The following PRDM16 variants were observed in gnomAD, a reference collection of about 807,000 sequenced individuals.
The protein encoded by PRDM16 is PR/SET domain 16, also known as histone-lysine N-methyltransferase PRDM16.
PRDM16 carries 23 observed loss-of-function variants against 110.6 expected under a neutral mutation model. The observed-to-expected ratio is 0.21, with a 90% CI of 0.15 to 0.29. PRDM16 has a LOEUF of 0.29. Ranked by LOEUF, PRDM16 falls within the 10% of genes least tolerant of loss-of-function variation. PRDM16 has a pLI of 1.00. For missense variants in PRDM16, 1,615 were observed against 1,794.3 expected (o/e 0.90, Z 1.81); for synonymous variants, 799 against 781.8 (o/e 1.02, Z -0.37).
chr1:3,306,738 C>A lies in PRDM16; in HGVS notation c.438+62601C>A, dbSNP rs534788029. On this transcript the variant is annotated intron_variant, in intron 3 of 16. Transcript: ENST00000270722. ...AAACGTACAATTCAGTGGTTTTCAG[C>A]CACAGACTTGTGCAACCATCACAAT... 3.3e-5 allele frequency: 5 copies of A among 152,330 alleles called. No homozygotes were observed. In the South Asian group the frequency reaches 1.0e-3, roughly 32 times the overall value. 9.4% of individuals were successfully genotyped at this position (152,330 alleles called of 1,614,324 possible). A position where few individuals can be genotyped will look rare whatever the true frequency, so the allele number is the denominator to read the frequency against.
rs568212656 is a variant in PRDM16 at position 3,275,825 on chromosome 1, G to A, written c.438+31688G>A. Among the ~76,000 whole-genome samples, 81 of 152,314 alleles carry A rather than the reference G, an allele frequency of 5.3e-4. 1 individual carries two copies. The highest frequency in any genetic ancestry group is 1.0e-3 in the Non-Finnish European group (69 of 68,028). On this transcript the variant is annotated intron_variant, in intron 3 of 16. Coordinates refer to ENST00000270722, the MANE Select transcript of PRDM16 (RefSeq NM_022114.4). The stretch of plus-strand genomic sequence containing the variant: ...CTGGGGAGAGCCGTGCACATCCAGC[G>A]TGGAAGTGGGTGGCACCCAGCCAGG...
At chr1:3,297,723 C>T (rs1385491195) in intron 3 of PRDM16, among the ~76,000 whole-genome samples, 1 of 152,176 alleles carries the variant, frequency 6.6e-6, no homozygotes, top group African/African-American at 2.4e-5. Flanking sequence ...CTGCCCACAA[C>T]ACCACAGTCT....
chr1:3,125,324 C>T (rs1428007937), intron 1 of PRDM16, among the ~76,000 whole-genome samples: 1 of 152,232 alleles, frequency 6.6e-6, no homozygotes, highest in Non-Finnish European at 1.5e-5. Flanking sequence ...GAGGCCAGCC[C>T]AGTGCCCGCT....
At chr1:3,198,467 G>A (rs141017724) in intron 2 of PRDM16, among the ~76,000 whole-genome samples, 201 of 152,366 alleles carry the variant, frequency 1.3e-3, no homozygotes, top group African/African-American at 4.6e-3. Context: ...TGCTGTGCAG[G>A]GGAGCGTGGT....
At position 3,222,057 on chromosome 1, in the gene PRDM16, C is replaced by T. The variant is rs372449906; in HGVS notation, c.388-22030C>T. 2.5e-4 allele frequency among the ~76,000 whole-genome samples: 38 copies of T among 152,358 alleles called. No individual in the cohort carries two copies. The East Asian group carries it at 5.2e-3, about 21-fold the overall frequency. On this transcript the variant is annotated intron_variant, in intron 2 of 16. Coordinates refer to ENST00000270722, the MANE Select transcript of PRDM16 (RefSeq NM_022114.4). ...CTCCCCAGCAGAGGTCTGCAGGCCC[C>T]GTGCTGGCAGGAAGTGAGGTGAGGG...
chr1:3,164,306 A>G (rs1236962261), intron 1 of PRDM16, among the ~76,000 whole-genome samples: 2 of 152,232 alleles, frequency 1.3e-5, no homozygotes, highest in Admixed American at 1.3e-4. Flanking sequence ...TGAGAAGGCA[A>G]AGTTTTTAAA....
At chr1:3,117,421 G>A (rs115808243) in intron 1 of PRDM16, among the ~76,000 whole-genome samples, 1,769 of 152,264 alleles carry the variant, frequency 0.012, 13 homozygotes, top group Non-Finnish European at 0.019. Flanking sequence ...GGGTGAGAAC[G>A]CAGGGGGAAG....
At chr1:3,423,624 G>T (rs527715858) in intron 12 of PRDM16, among the ~76,000 whole-genome samples, 1 of 152,212 alleles carries the variant, frequency 6.6e-6, no homozygotes, top group Non-Finnish European at 1.5e-5. Flanking sequence ...CACCGGCACC[G>T]GTCGGGGCGG....
At position 3,143,066 on chromosome 1, in the gene PRDM16, C is replaced by A. The variant is rs1643582707; in HGVS notation, c.38-43059C>A. On this transcript the variant is annotated intron_variant, in intron 1 of 16. Transcript: ENST00000270722. The surrounding 1 kb of genome is among the most constrained non-coding windows in gnomAD (Gnocchi z 4.5). ...TCACATAGGGGCTGGAGAATTCGTA[C>A]CCGCGGGCACCCATGGAAGCCTGAG... Among the ~76,000 whole-genome samples the A allele has an allele frequency of 1.3e-5, 2 of 152,218 alleles. No individual in the cohort carries two copies. The highest frequency in any genetic ancestry group is 4.1e-4 in the South Asian group (2 of 4,828).
chr1:3,422,747 T>C (rs1375356075), intron 12 of PRDM16, among the ~76,000 whole-genome samples: 8 of 152,188 alleles, frequency 5.3e-5, no homozygotes, highest in Non-Finnish European at 8.8e-5. Context: ...TCCTCGGCCT[T>C]ATTCTTGTGT....
chr1:3,287,806 T>A (rs535938191), intron 3 of PRDM16, among the ~76,000 whole-genome samples: 1 of 115,102 alleles, frequency 8.7e-6, no homozygotes, highest in South Asian at 2.9e-4. Flanking sequence ...CCCTGCCACG[T>A]GGGCATCCAG....
chr1:3,394,535 G>C (rs957373878), intron 4 of PRDM16: 2 of 422,186 alleles, frequency 4.7e-6, no homozygotes, highest in African/African-American at 4.1e-5. Flanking sequence ...GGAGCCAAGG[G>C]GCGGGCGGCC....
At chr1:3,242,428 C>G (rs1016063135) in intron 2 of PRDM16, among the ~76,000 whole-genome samples, 7 of 152,238 alleles carry the variant, frequency 4.6e-5, no homozygotes, top group Non-Finnish European at 8.8e-5. Flanking sequence ...AGCACCACCA[C>G]TGGGACGGGG....
intron 3 of PRDM16, among the ~76,000 whole-genome samples, chr1:3,331,027 G>A (rs1393017630): frequency 6.6e-6 from 1 of 152,216 alleles, no homozygotes; most frequent in East Asian, 1.9e-4. Context: ...ATCTGATAAG[G>A]CCCCGCTAAA....
At chr1:3,397,419 T>C (rs1303739326) in intron 5 of PRDM16, among the ~76,000 whole-genome samples, 5 of 152,326 alleles carry the variant, frequency 3.3e-5, no homozygotes, top group African/African-American at 1.2e-4. Context: ...ACAGATGAGC[T>C]CTTCCCAGAT....
In PRDM16 at chr1:3,359,943, C is replaced by T. The variant is rs1422703033; in HGVS notation, c.439-25209C>T. ...CGGCAGCCAGCTCCTCACAGAAGGC[C>T]GCCCGGCTCAGAACAGGTCCCTTCA... On this transcript the variant is annotated intron_variant, in intron 3 of 16. Coordinates refer to ENST00000270722, the MANE Select transcript of PRDM16 (RefSeq NM_022114.4). This position sits in a 1 kb window ranked among gnomAD's most constrained non-coding sequence, Gnocchi z 4.3. Among the ~76,000 whole-genome samples, 1 of 152,224 alleles carries T rather than the reference C, an allele frequency of 6.6e-6. No homozygotes were observed. The highest frequency in any genetic ancestry group is 2.4e-5 in the African/African-American group (1 of 41,466).
chr1:3,134,808 C>T (rs1401444247), intron 1 of PRDM16, among the ~76,000 whole-genome samples: 2 of 152,242 alleles, frequency 1.3e-5, no homozygotes, highest in Non-Finnish European at 2.9e-5. Context: ...GAGGCAGAGG[C>T]GGCAAACAGG....
At position 3,392,000 on chromosome 1, in the gene PRDM16, A is replaced by G. The variant is rs550243278; in HGVS notation, c.574-4491A>G. ...ATCATCACAGCGCTTTCCCACACTC[A>G]CAGCGTGTGGAGACAGCAAGGAGTT... is the stretch of plus-strand genomic sequence containing the variant. On this transcript the variant is annotated intron_variant, in intron 4 of 16. Coordinates refer to ENST00000270722, the MANE Select transcript of PRDM16 (RefSeq NM_022114.4). 2.4e-3 allele frequency among the ~76,000 whole-genome samples: 359 copies of G among 152,304 alleles called. 1 individual carries two copies. The highest frequency in any genetic ancestry group is 4.3e-3 in the Non-Finnish European group (290 of 68,010).
chr1:3,231,222 C>G (rs1639401204), intron 2 of PRDM16, among the ~76,000 whole-genome samples: 1 of 152,212 alleles, frequency 6.6e-6, no homozygotes, highest in East Asian at 1.9e-4. Context: ...CTGCCATCAC[C>G]CTTACTAGGT....
Sources: allele counts gnomAD v4.1 joint callset (sites outside exome capture counted in the v4.1 genomes callset), GRCh38; gene constraint gnomAD v4.1.1; non-coding constraint Gnocchi (gnomAD v3.1); transcripts MANE v1.5; gene names NCBI Gene and HGNC (gene_info 2026-07-23, HGNC 2026-07-21).